Variants in NSMCE1 observed in about 807,000 individuals in gnomAD.
NSMCE1 encodes non-structural maintenance of chromosomes element 1 homolog.
Under a neutral mutation model 29.6 loss-of-function variants are expected in NSMCE1, and 18 were observed. That is an observed-to-expected ratio of 0.61 (90% CI 0.42 to 0.90). The LOEUF (loss-of-function observed/expected upper bound fraction) is 0.90, where lower values mean the gene tolerates loss of function less well. Among genes scored for constraint, NSMCE1 ranks in the 40% least tolerant of loss-of-function variants. The pLI, the probability that NSMCE1 is intolerant of heterozygous loss-of-function variation, is 0.00. For missense variants in NSMCE1, 314 were observed against 343.6 expected, an observed-to-expected ratio of 0.91 and a Z score of 0.68; for synonymous variants, 124 against 133.4, an observed-to-expected ratio of 0.93 and a Z score of 0.49.
chr16:27,235,662 C>G (rs1445521572), intron 2 of NSMCE1, among the ~76,000 whole-genome samples: 1 of 152,232 alleles, frequency 6.6e-6, no homozygotes, highest in Non-Finnish European at 1.5e-5. Flanking sequence ...GAGCTCCCGC[C>G]GCACAAACAT....
chr16:27,251,189 T>TATATATGTATAA (rs1459861130), intron 2 of NSMCE1, among the ~76,000 whole-genome samples: 1 of 58,834 alleles, frequency 1.7e-5, no homozygotes. Flanking sequence ...TATATATATA[T>TATATATGTATAA]AAATATATAT....
At chr16:27,251,165 T>TATATATATAA (rs2084025219) in intron 2 of NSMCE1, among the ~76,000 whole-genome samples, 1 of 63,098 alleles carries the variant, frequency 1.6e-5, no homozygotes, top group Non-Finnish European at 2.5e-5. Flanking sequence ...TTAAAATATA[T>TATATATATAA]ATATATATAT....
chr16:27,232,331 C>G lies in NSMCE1; in HGVS notation c.483+670G>C, dbSNP rs2083771160. ...AAAGAACTGAAACATTTGTTCTGCT[C>G]CATTCAGCAGGACTAGACGTGGGGG... On this transcript the variant is annotated intron_variant, in intron 5 of 7. Transcript: ENST00000361439. This position sits in a 1 kb window ranked among gnomAD's most constrained non-coding sequence, Gnocchi z 4.5. 6.6e-6 allele frequency among the ~76,000 whole-genome samples: 1 copy of G among 152,218 alleles called. No homozygotes were observed. The highest frequency in any genetic ancestry group is 6.5e-5 in the Admixed American group (1 of 15,278).
At chr16:27,238,816 G>A (rs2083857073) in intron 2 of NSMCE1, among the ~76,000 whole-genome samples, 1 of 151,748 alleles carries the variant, frequency 6.6e-6, no homozygotes, top group Admixed American at 6.6e-5. Flanking sequence ...ATCCCCAACT[G>A]TGCACCTGGC....
At chr16:27,242,713 T>C (rs554013553) in intron 2 of NSMCE1, among the ~76,000 whole-genome samples, 152 of 152,322 alleles carry the variant, frequency 1.0e-3, no homozygotes, top group Middle Eastern at 3.4e-3. Flanking sequence ...TAAACTACTA[T>C]ATATTTTGCT....
At chr16:27,225,555 G>A (rs889145543) in intron 7 of NSMCE1, among the ~76,000 whole-genome samples, 171 bp downstream of exon 7, 1 of 152,224 alleles carries the variant, frequency 6.6e-6, no homozygotes, top group Non-Finnish European at 1.5e-5. Context: ...AGCGGTGCAC[G>A]TAGCTCAGCC....
At chr16:27,234,702 G>A (rs1362609485) in intron 3 of NSMCE1, among the ~76,000 whole-genome samples, 4 of 152,216 alleles carry the variant, frequency 2.6e-5, no homozygotes, top group Non-Finnish European at 4.4e-5. Context: ...CCCTTTCTGA[G>A]TGTGAGCCTG....
At chr16:27,259,946 C>G (rs1488289462) in intron 1 of NSMCE1, among the ~76,000 whole-genome samples, 1 of 151,998 alleles carries the variant, frequency 6.6e-6, no homozygotes, top group Non-Finnish European at 1.5e-5. Flanking sequence ...GAGGATAAGA[C>G]AAAAACATTT....
chr16:27,233,151 GAAGA>G lies in NSMCE1; in HGVS notation c.337-8_337-5del. The stretch of plus-strand genomic sequence containing the variant: ...CTGAGTCAATAATCAGTTCCAGCTG[GAAGA>G]AAGAGCAGGTATCATGCTCATCTAT... On this transcript the variant is annotated splice_polypyrimidine_tract_variant and splice_region_variant and intron_variant, in intron 4 of 7. Coordinates refer to ENST00000361439, the MANE Select transcript of NSMCE1 (RefSeq NM_145080.4). 1 of 1,610,582 alleles carries G rather than the reference GAAGA, an allele frequency of 6.2e-7. No individual in the cohort carries two copies. The highest frequency in any genetic ancestry group is 1.3e-5 in the African/African-American group (1 of 74,860).
chr16:27,233,798 C>T (rs1451387155), intron 4 of NSMCE1, among the ~76,000 whole-genome samples: 4 of 152,230 alleles, frequency 2.6e-5, no homozygotes, highest in African/African-American at 7.2e-5. Flanking sequence ...AATGCAGATT[C>T]GGACTCAGCA....
chr16:27,225,317 G>C (rs1022731699), intron 7 of NSMCE1, 81 bp from the exon 8 acceptor site: 1 of 824,864 alleles, frequency 1.2e-6, no homozygotes, highest in African/African-American at 1.7e-5. Flanking sequence ...CAGCAGCTAC[G>C]TCTCCTGTGC....
intron 2 of NSMCE1, among the ~76,000 whole-genome samples, chr16:27,235,891 A>T (rs1014015398): frequency 6.6e-6 from 1 of 152,234 alleles, no homozygotes; most frequent in Non-Finnish European, 1.5e-5. Flanking sequence ...GCGAGCCCTC[A>T]GCATGGAGAG....
At chr16:27,251,163 T>TATATATATATATATATATAA (rs2084024908) in intron 2 of NSMCE1, among the ~76,000 whole-genome samples, 1 of 67,478 alleles carries the variant, frequency 1.5e-5, no homozygotes, top group East Asian at 9.3e-4. Context: ...ATTTAAAATA[T>TATATATATATATATATATAA]ATATATATAT....
chr16:27,225,804 A>G lies in NSMCE1; in HGVS notation c.643T>C (p.Cys215Arg), dbSNP rs758340681. 8 of 1,614,134 alleles carry G rather than the reference A, an allele frequency of 5.0e-6. No individual in the cohort carries two copies. Among genetic ancestry groups the G allele is most frequent in the Non-Finnish European group, 5.9e-6 (7 of 1,179,974 alleles). ...ETCGIRMHLP[C>R]VAKYFQSNAE... ...TTCGACTGGAAGTACTTGGCCACGCAGGGTAAGTGCATCCTGATCCCACAG... is the reference window on the plus strand; with the variant it reads ...TTCGACTGGAAGTACTTGGCCACGCGGGGTAAGTGCATCCTGATCCCACAG... Residue 215 changes from cysteine to arginine, a missense_variant, in exon 7 of 8, where the codon TGC becomes CGC. Cys to Arg is a radical substitution (Grantham distance 180). Transcript: ENST00000361439.
intron 5 of NSMCE1, among the ~76,000 whole-genome samples, chr16:27,229,048 T>C (rs2083736187): frequency 1.3e-5 from 2 of 152,016 alleles, no homozygotes; most frequent in Admixed American, 6.5e-5. Context: ...ACCCCAGGGC[T>C]TCCCACCACC....
chr16:27,242,501 G>A (rs938515027), intron 2 of NSMCE1, among the ~76,000 whole-genome samples: 1 of 152,172 alleles, frequency 6.6e-6, no homozygotes, highest in African/African-American at 2.4e-5. Flanking sequence ...TCAGCTGCAT[G>A]CATTTATGGT....
intron 2 of NSMCE1, among the ~76,000 whole-genome samples, chr16:27,251,207 T>TATATATATATATATAA (rs1555477430): frequency 6.6e-4 from 47 of 70,730 alleles, no homozygotes; most frequent in Non-Finnish European, 9.3e-4. Context: ...TATATATATA[T>TATATATATATATATAA]AAAACTCTGT....
intron 2 of NSMCE1, among the ~76,000 whole-genome samples, chr16:27,247,686 G>T (rs992601264): frequency 1.3e-5 from 2 of 152,112 alleles, no homozygotes; most frequent in Non-Finnish European, 2.9e-5. Context: ...CAGCACTTTG[G>T]GAGGCCGAGG....
chr16:27,233,114 C>G lies in NSMCE1; in HGVS notation c.370G>C (p.Ala124Pro). 1 of 1,614,000 alleles carries G rather than the reference C, an allele frequency of 6.2e-7. No homozygotes were observed. Among genetic ancestry groups the G allele is most frequent in the African/African-American group, 1.3e-5 (1 of 75,042 alleles). Residue 124 changes from alanine to proline, a missense_variant, in exon 5 of 8, where the codon GCG becomes CCG. Coordinates refer to ENST00000361439, the MANE Select transcript of NSMCE1 (RefSeq NM_145080.4). ...AGGTTCAATATGTTTGTGGAAGACG[C>G]AAAGCCGGTTTCTGAGTCAATAATC... ...ELIIDSETGF[A>P]SSTNILNLVD... is the part of the protein sequence containing the mutation.
Sources: allele counts gnomAD v4.1 joint callset (sites outside exome capture counted in the v4.1 genomes callset), GRCh38; gene constraint gnomAD v4.1.1; non-coding constraint Gnocchi (gnomAD v3.1); transcripts MANE v1.5; gene names NCBI Gene and HGNC (gene_info 2026-07-23, HGNC 2026-07-21).